Variants in GRIP1 observed in about 807,000 individuals in gnomAD.
The protein encoded by GRIP1 is glutamate receptor-interacting protein 1.
In GRIP1, 45 loss-of-function variants were observed where a neutral mutation model predicts 129.9. The ratio of observed to expected loss-of-function variants is 0.35; its 90% confidence interval spans 0.27 to 0.44. The LOEUF (loss-of-function observed/expected upper bound fraction) is 0.44. GRIP1 is among the 20% of genes least tolerant of loss of function. GRIP1 has a pLI of 1.00. For missense variants in GRIP1, 1,196 were observed against 1,396.8 expected, an observed-to-expected ratio of 0.86 and a Z score of 2.29; for synonymous variants, 530 against 520.8, an observed-to-expected ratio of 1.02 and a Z score of -0.24.
At chr12:66,717,320 G>A (rs2035920887) in intron 1 of GRIP1, among the ~76,000 whole-genome samples, 1 of 151,742 alleles carries the variant, frequency 6.6e-6, no homozygotes, top group Admixed American at 6.6e-5. Flanking sequence ...TTTGTGTAAT[G>A]GCCCTTTTAA....
chr12:66,919,495 C>T (rs2041179283), intron 1 of GRIP1, among the ~76,000 whole-genome samples: 1 of 152,178 alleles, frequency 6.6e-6, no homozygotes, highest in African/African-American at 2.4e-5. Context: ...TTCTCTGCAA[C>T]TCCATTTCCT....
chr12:66,904,487 G>A (rs1241016913), intron 1 of GRIP1, among the ~76,000 whole-genome samples: 1 of 152,148 alleles, frequency 6.6e-6, no homozygotes, highest in African/African-American at 2.4e-5. Context: ...ATGAAATTCT[G>A]GGAATTTATA....
At chr12:66,673,999 A>G (rs998365930) in intron 1 of GRIP1, among the ~76,000 whole-genome samples, 5 of 152,200 alleles carry the variant, frequency 3.3e-5, no homozygotes, top group African/African-American at 1.2e-4. Flanking sequence ...GGCAAAGCAG[A>G]AAGGACATGG....
intron 1 of GRIP1, among the ~76,000 whole-genome samples, chr12:66,851,605 A>T (rs1410786761): frequency 6.6e-6 from 1 of 152,054 alleles, no homozygotes; most frequent in Admixed American, 6.6e-5. Flanking sequence ...CAGTTCAGTG[A>T]CCTGGGCATG....
rs764602426 is a variant in GRIP1 at position 66,465,289 on chromosome 12, T to G, written c.858A>C (p.Ala286=). ...ACAATACTTACCTGTCTGCAATACT[T>G]GCAGATTTGATTTTGTCTATGACAA... ...QVIVIDKIKS[A]SIADRCGALH... The change falls in exon 8 of 25, where the codon GCA becomes GCC. Residue 286 remains alanine (A), a synonymous_variant. Coordinates refer to ENST00000359742, the MANE Select transcript of GRIP1 (RefSeq NM_001366722.1). 2 of 1,613,892 alleles carry G rather than the reference T, an allele frequency of 1.2e-6. No individual in the cohort carries two copies. Among genetic ancestry groups the G allele is most frequent in the Admixed American group, 3.3e-5 (2 of 60,018 alleles).
At position 67,061,066 on chromosome 12, in the gene GRIP1, T is replaced by G. The variant is rs148927333; in HGVS notation, c.58+7984A>C. ...AGGCTGCCTTGGATAACTGCAACAT[T>G]GTATGCATTGTAACTTTGTTGCATT... On this transcript the variant is annotated intron_variant, in intron 1 of 1. Transcript: ENST00000643019. Among the ~76,000 whole-genome samples, 624 of 152,332 alleles carry G rather than the reference T, an allele frequency of 4.1e-3. 2 individuals carry two copies. The highest frequency in any genetic ancestry group is 0.013 in the South Asian group (64 of 4,830).
At chr12:66,736,346 ATTTTTTTTTTTTTTTTT>A (rs547706592) in intron 1 of GRIP1, among the ~76,000 whole-genome samples, 1,502 of 66,840 alleles carry the variant, frequency 0.022, 49 homozygotes, top group African/African-American at 0.043. Flanking sequence ...TGCCTGGCTA[ATTTTTTTTTTTTTTTTT>A]TTTTTTTTTT....
At chr12:66,587,057 C>T (rs1427651747) in intron 2 of GRIP1, among the ~76,000 whole-genome samples, 1 of 152,194 alleles carries the variant, frequency 6.6e-6, no homozygotes, top group East Asian at 1.9e-4. Context: ...TCCCTTACAC[C>T]CTCAGCCTTG....
intron 9 of GRIP1, among the ~76,000 whole-genome samples, chr12:66,457,360 T>G (rs1028384976): frequency 2.0e-5 from 3 of 152,204 alleles, no homozygotes; most frequent in Middle Eastern, 3.2e-3. Context: ...CTTGAATTCC[T>G]GGGTTCAGGC....
chr12:66,647,872 A>G (rs1302944664), intron 1 of GRIP1, among the ~76,000 whole-genome samples: 1 of 152,162 alleles, frequency 6.6e-6, no homozygotes, highest in Non-Finnish European at 1.5e-5. Context: ...AATTCGGTTT[A>G]TCTTTACCAG....
intron 7 of GRIP1, among the ~76,000 whole-genome samples, chr12:66,512,252 C>T (rs1477616003): frequency 6.6e-6 from 1 of 151,994 alleles, no homozygotes. Context: ...TATAAAGATA[C>T]TCGAAAATGT....
intron 1 of GRIP1, among the ~76,000 whole-genome samples, chr12:66,745,744 G>T (rs917974802): frequency 1.1e-4 from 17 of 152,116 alleles, no homozygotes; most frequent in Non-Finnish European, 2.9e-5. Flanking sequence ...AAACACCAAA[G>T]GAAAGAGGTA....
chr12:66,947,162 G>A (rs562722065), intron 1 of GRIP1, among the ~76,000 whole-genome samples: 40 of 152,204 alleles, frequency 2.6e-4, no homozygotes, highest in East Asian at 9.7e-4. Flanking sequence ...TCATCTCCTC[G>A]CTTTTATCAT....
chr12:66,481,609 A>G (rs951522156), intron 7 of GRIP1, among the ~76,000 whole-genome samples: 2 of 152,210 alleles, frequency 1.3e-5, no homozygotes, highest in Non-Finnish European at 2.9e-5. Flanking sequence ...TATATACCCA[A>G]AGGATTATAA....
intron 1 of GRIP1, among the ~76,000 whole-genome samples, chr12:66,872,679 A>T (rs1252283): frequency 0.47 from 71,615 of 151,898 alleles, 18,178 homozygotes; most frequent in Middle Eastern, 0.67. Flanking sequence ...GTGTAAATTT[A>T]TTCTCTAAAT....
chr12:66,763,061 T>C (rs1249014121), intron 1 of GRIP1, among the ~76,000 whole-genome samples: 1 of 152,180 alleles, frequency 6.6e-6, no homozygotes, highest in Admixed American at 6.6e-5. Context: ...ATAAAAGTGA[T>C]ACAATTATAA....
chr12:66,698,782 G>A (rs1472565516), intron 1 of GRIP1, among the ~76,000 whole-genome samples: 1 of 152,144 alleles, frequency 6.6e-6, no homozygotes, highest in African/African-American at 2.4e-5. Flanking sequence ...CACCACTCAA[G>A]TCCTCTACCA....
At chr12:67,033,277 A>G (rs1211075971) in intron 1 of GRIP1, among the ~76,000 whole-genome samples, 1 of 150,022 alleles carries the variant, frequency 6.7e-6, no homozygotes. Flanking sequence ...ACATGTATAT[A>G]TATATATATA....
intron 1 of GRIP1, among the ~76,000 whole-genome samples, chr12:66,740,533 G>A (rs897089890): frequency 6.6e-6 from 1 of 152,152 alleles, no homozygotes; most frequent in Admixed American, 6.5e-5. Context: ...AACGCCAAAA[G>A]TGCTTTTAAC....
Sources: allele counts gnomAD v4.1 joint callset (sites outside exome capture counted in the v4.1 genomes callset), GRCh38; gene constraint gnomAD v4.1.1; transcripts MANE v1.5; gene names NCBI Gene and HGNC (gene_info 2026-07-23, HGNC 2026-07-21).